MTAP: variants seen among roughly 807,000 people sequenced by gnomAD.
MTAP encodes methylthioadenosine phosphorylase.
A neutral mutation model predicts 33.6 loss-of-function variants in MTAP; 33 were observed. The ratio of observed to expected loss-of-function variants is 0.98; its 90% CI spans 0.74 to 1.31. The LOEUF is 1.31. Among genes scored for constraint, MTAP ranks in the 40% most tolerant of loss-of-function variants. The pLI is 0.00. For missense variants in MTAP, 367 were observed against 360.0 expected (o/e 1.02, Z -0.16); for synonymous variants, 148 against 125.7 (o/e 1.18, Z -1.19).
chr9:21,915,192 C>T (rs561916729), intron 1 of MTAP, among the ~76,000 whole-genome samples: 1 of 151,526 alleles, frequency 6.6e-6, no homozygotes, highest in African/African-American at 2.4e-5. Context: ...GGGTTCATGC[C>T]ATTCTCCTGC....
At chr9:21,917,423 AAG>A (rs1327723934) in intron 1 of MTAP, among the ~76,000 whole-genome samples, 3 of 152,326 alleles carry the variant, frequency 2.0e-5, no homozygotes, top group African/African-American at 7.2e-5. Flanking sequence ...GGTCAAGGAA[AAG>A]AGAAGAAATC....
chr9:21,885,956 T>G (rs1818102988), intron 1 of MTAP, among the ~76,000 whole-genome samples: 1 of 152,140 alleles, frequency 6.6e-6, no homozygotes, highest in African/African-American at 2.4e-5. Context: ...CTTCTTTTCC[T>G]CTGGGTAGAC....
chr9:21,908,034 A>G (rs535098278), intron 1 of MTAP, among the ~76,000 whole-genome samples: 3 of 152,330 alleles, frequency 2.0e-5, no homozygotes, highest in Admixed American at 1.3e-4. Flanking sequence ...CCATGATATT[A>G]ACATTGATAT....
At chr9:21,930,856 G>T in intron 1 of MTAP, 1 of 649,936 alleles carries the variant, frequency 1.5e-6, no homozygotes, top group Middle Eastern at 2.9e-4. Context: ...CAAGCCTCTC[G>T]TGGTTAGTTA....
At chr9:21,859,571 C>G in intron 7 of MTAP, 146 bp downstream of exon 7, 2 of 829,558 alleles carry the variant, frequency 2.4e-6, no homozygotes, top group Non-Finnish European at 3.5e-6. Flanking sequence ...TACTACCATA[C>G]CAACCACTTG....
Position 21,815,524 on chromosome 9 carries a change from A to G in MTAP, c.120+5A>G, listed in dbSNP as rs1330728972. On this transcript the variant is annotated splice_donor_5th_base_variant and intron_variant, in intron 2 of 7. Coordinates refer to ENST00000644715, the MANE Select transcript of MTAP (RefSeq NM_002451.4). Reference sequence around the variant, plus strand: ...GTGGATACTCCATTTGGCAAGGTTAATATCCAACTTGTGGAGACATGTTTT... The same window carrying G: ...GTGGATACTCCATTTGGCAAGGTTAGTATCCAACTTGTGGAGACATGTTTT... 3 of 1,585,934 alleles carry G rather than the reference A, an allele frequency of 1.9e-6. No individual in the cohort carries two copies. The highest frequency in any genetic ancestry group is 2.6e-6 in the Non-Finnish European group (3 of 1,156,652).
intron 5 of MTAP, among the ~76,000 whole-genome samples, chr9:21,849,397 T>C (rs1411184745): frequency 1.3e-5 from 2 of 152,190 alleles, no homozygotes; most frequent in Non-Finnish European, 2.9e-5. Context: ...TAGGGGCTTA[T>C]GAAAGTCAGG....
At chr9:21,850,576 T>C (rs534276204) in intron 5 of MTAP, among the ~76,000 whole-genome samples, 3 of 152,190 alleles carry the variant, frequency 2.0e-5, no homozygotes, top group Non-Finnish European at 4.4e-5. Context: ...TTGGAGCCTT[T>C]GGCAGGCCCC....
intron 1 of MTAP, among the ~76,000 whole-genome samples, chr9:21,884,169 C>A (rs754089097): frequency 2.0e-5 from 3 of 152,090 alleles, no homozygotes; most frequent in Non-Finnish European, 4.4e-5. Flanking sequence ...CCATATATTG[C>A]AGGGTACATT....
intron 1 of MTAP, chr9:21,803,211 T>A (rs1000201214): frequency 2.0e-5 from 7 of 348,478 alleles, no homozygotes; most frequent in African/African-American, 1.5e-4. Context: ...GCAGCTTCTG[T>A]GACCGTCTCC....
intron 1 of MTAP, among the ~76,000 whole-genome samples, chr9:21,882,232 AAAGG>A (rs1277925364): frequency 2.6e-5 from 4 of 151,996 alleles, no homozygotes; most frequent in Non-Finnish European, 4.4e-5. Context: ...GAACAACTGT[AAAGG>A]AAGGAAAACC....
chr9:21,838,967 A>G (rs1161804587), intron 5 of MTAP, among the ~76,000 whole-genome samples: 1 of 152,200 alleles, frequency 6.6e-6, no homozygotes, highest in Non-Finnish European at 1.5e-5. Context: ...TTTAGCATTT[A>G]TGTTTTATCC....
intron 1 of MTAP, among the ~76,000 whole-genome samples, chr9:21,899,907 T>G (rs371450474): frequency 1.3e-5 from 2 of 151,836 alleles, no homozygotes; most frequent in Admixed American, 6.6e-5. Context: ...TTTGACAAAG[T>G]TGACAAAAAC....
chr9:21,865,815 CAT>C lies in MTAP; in HGVS notation c.*3802_*3803del, dbSNP rs1825844636. On this transcript the variant is annotated 3_prime_UTR_variant, in exon 8 of 8. Transcript: ENST00000644715. Reference sequence around the variant, plus strand: ...TATTTCTTTGTTTTGAAGATTCACTCATGTTGCATGCATCTGTAGCTTGTGCC... The same window carrying C: ...TATTTCTTTGTTTTGAAGATTCACTCGTTGCATGCATCTGTAGCTTGTGCC... The C allele has an allele frequency of 2.0e-6, 2 of 1,003,916 alleles. No individual in the cohort carries two copies. The highest frequency in any genetic ancestry group is 4.3e-5 in the South Asian group (1 of 23,192). 62.2% of individuals were successfully genotyped at this position (1,003,916 alleles called of 1,614,324 possible).
intron 4 of MTAP, among the ~76,000 whole-genome samples, chr9:21,819,428 A>T (rs1191506366): frequency 1.3e-5 from 2 of 152,120 alleles, no homozygotes; most frequent in Non-Finnish European, 2.9e-5. Context: ...GCTGAGAATG[A>T]TGGTTTCCAG....
chr9:21,874,433 A>G (rs764286183), intron 1 of MTAP, among the ~76,000 whole-genome samples: 6 of 152,210 alleles, frequency 3.9e-5, no homozygotes, highest in African/African-American at 1.4e-4. Context: ...AGTAAAGTCT[A>G]TACATTGCAA....
At chr9:21,846,304 A>T (rs563130224) in intron 5 of MTAP, among the ~76,000 whole-genome samples, 1 of 152,330 alleles carries the variant, frequency 6.6e-6, no homozygotes, top group African/African-American at 2.4e-5. Flanking sequence ...AACAAAAAAT[A>T]ATAATCAGTG....
intron 1 of MTAP, among the ~76,000 whole-genome samples, chr9:21,875,405 G>A (rs1384720588): frequency 2.6e-5 from 4 of 152,144 alleles, no homozygotes; most frequent in Admixed American, 6.6e-5. Context: ...TTTGAGAAGT[G>A]TCTGTTCATA....
At chr9:21,875,375 T>G (rs183703733) in intron 1 of MTAP, among the ~76,000 whole-genome samples, 188 of 152,322 alleles carry the variant, frequency 1.2e-3, no homozygotes, top group African/African-American at 4.2e-3. Context: ...TCATGTTTGT[T>G]GACTGCATAA....
Sources: gnomAD v4.1 joint callset for allele counts (sites outside exome capture counted in the v4.1 genomes callset) on GRCh38, gnomAD v4.1.1 for gene constraint, MANE v1.5 for transcripts, NCBI Gene and HGNC (gene_info 2026-07-23, HGNC 2026-07-21) for gene names.